The following EFHB variants were observed in gnomAD, a reference collection of about 807,000 sequenced individuals.
EFHB encodes the protein EF-hand domain-containing family member B.
EFHB carries 91 observed loss-of-function variants against 87.2 expected under a neutral mutation model. That is an observed-to-expected ratio of 1.04 (90% CI 0.88 to 1.24). The LOEUF is 1.24. Ranked by LOEUF, EFHB falls within the 50% of genes most tolerant of loss-of-function variation. The pLI is 0.00. For synonymous variants in EFHB, 325 were observed against 333.6 expected (o/e 0.97, Z 0.28); for missense variants, 1,084 against 998.8 (o/e 1.09, Z -1.15).
At chr3:19,920,120 C>A in intron 2 of EFHB, 144 bp from the exon 3 acceptor site, 1 of 834,302 alleles carries the variant, frequency 1.2e-6, no homozygotes, top group Non-Finnish European at 1.8e-6. Flanking sequence ...AATGAACATC[C>A]CCCTAAAATG....
intron 5 of EFHB, among the ~76,000 whole-genome samples, chr3:19,912,774 A>C (rs913116886): frequency 6.6e-6 from 1 of 152,176 alleles, no homozygotes; most frequent in Non-Finnish European, 1.5e-5. Context: ...TTGTTTGTTT[A>C]TGCAAATAGT....
At chr3:19,886,016 G>A (rs1287160526) in intron 10 of EFHB, among the ~76,000 whole-genome samples, 1 of 152,112 alleles carries the variant, frequency 6.6e-6, no homozygotes, top group Non-Finnish European at 1.5e-5. Context: ...TAAAATCATA[G>A]AAGATGAAAA....
intron 1 of EFHB, among the ~76,000 whole-genome samples, chr3:19,945,624 C>A (rs1696257129): frequency 6.6e-6 from 1 of 152,128 alleles, no homozygotes; most frequent in African/African-American, 2.4e-5. Flanking sequence ...GTTGACATGA[C>A]AAAACTGATG....
intron 5 of EFHB, among the ~76,000 whole-genome samples, chr3:19,908,508 G>A (rs752472429): frequency 6.7e-6 from 1 of 150,192 alleles, no homozygotes; most frequent in South Asian, 2.1e-4. Context: ...ACTCCAGCCT[G>A]GACGAAAGAG....
intron 1 of EFHB, among the ~76,000 whole-genome samples, chr3:19,922,298 G>A (rs1695463427): frequency 6.6e-6 from 1 of 152,230 alleles, no homozygotes; most frequent in African/African-American, 2.4e-5. Flanking sequence ...ACACTTGGAA[G>A]AAGGTGTGGT....
Position 19,882,707 on chromosome 3 carries a change from G to T in EFHB, c.2171C>A (p.Thr724Asn), listed in dbSNP as rs758858768. The T allele has an allele frequency of 4.3e-6, 7 of 1,613,346 alleles. No homozygotes were observed. In the African/African-American group the frequency reaches 9.3e-5, roughly 22 times the overall value. Reference protein sequence around the residue: ...STCYPICGVPTIRSDIPAPRI... With the variant: ...STCYPICGVPNIRSDIPAPRI... ...GGGAGCAGGAATGTCAGATCGAATG[G>T]TTGGAACACCACAAATGGGGTAACC... The change falls in exon 12 of 13, where the codon ACC becomes AAC. Residue 724 changes from threonine (T) to asparagine (N), a missense_variant. Thr to Asn is a moderately conservative substitution (Grantham distance 65, BLOSUM62 0). Transcript: ENST00000295824.
chr3:19,882,254 T>C lies in EFHB; in HGVS notation c.2328+296A>G, dbSNP rs913423378. On this transcript the variant is annotated intron_variant, in intron 12 of 12. Transcript: ENST00000295824. Reference sequence around the variant, plus strand: ...CAGGATGCTTACATAAGGAAGGGGTTGATCCTGTTCCTTTTCTCAACTAGA... The same window carrying C: ...CAGGATGCTTACATAAGGAAGGGGTCGATCCTGTTCCTTTTCTCAACTAGA... 2.6e-5 allele frequency among the ~76,000 whole-genome samples: 4 copies of C among 152,134 alleles called. No individual in the cohort carries two copies. The South Asian group carries it at 8.3e-4, about 31-fold the overall frequency.
chr3:19,910,655 T>C (rs1392152617), intron 5 of EFHB, among the ~76,000 whole-genome samples: 1 of 152,148 alleles, frequency 6.6e-6, no homozygotes, highest in Non-Finnish European at 1.5e-5. Context: ...TGAGACCAAA[T>C]GCTACACTAG....
In EFHB at chr3:19,930,859, G is replaced by A. The variant is rs1301999011; in HGVS notation, c.789+2371C>T. ...CGAGAAATCCTGCTGCCTGCTGGGC[G>A]TGGTGGCTCATGCCTGTAATCCCAG... On this transcript the variant is annotated intron_variant, in intron 1 of 12. Coordinates refer to ENST00000295824, the MANE Select transcript of EFHB (RefSeq NM_144715.4). Among the ~76,000 whole-genome samples the A allele has an allele frequency of 3.9e-5, 6 of 152,300 alleles. No homozygotes were observed. The South Asian group carries it at 8.3e-4, about 21-fold the overall frequency.
chr3:19,884,210 G>A (rs2071754006), intron 11 of EFHB, among the ~76,000 whole-genome samples, 193 bp downstream of exon 11: 1 of 151,938 alleles, frequency 6.6e-6, no homozygotes. Context: ...TTTTACTTTG[G>A]TCATCATTGG....
chr3:19,918,904 C>T lies in EFHB; in HGVS notation c.997-492G>A, dbSNP rs185786162. Among the ~76,000 whole-genome samples, 5 of 148,214 alleles carry T rather than the reference C, an allele frequency of 3.4e-5. No homozygotes were observed. The East Asian group carries it at 6.0e-4, about 18-fold the overall frequency. ...CTGAGGCAGGAGAATGGCTTGAGCC[C>T]GGTAAGTGGAGGTTATAGTGAGCCA... On this transcript the variant is annotated intron_variant, in intron 3 of 12. Coordinates refer to ENST00000295824, the MANE Select transcript of EFHB (RefSeq NM_144715.4).
intron 9 of EFHB, among the ~76,000 whole-genome samples, chr3:19,895,800 C>T (rs1694461555): frequency 6.6e-6 from 1 of 152,114 alleles, no homozygotes; most frequent in African/African-American, 2.4e-5. Flanking sequence ...GAAGATGCAT[C>T]TGACAAAAAT....
chr3:19,926,658 C>A (rs71316237), intron 1 of EFHB, among the ~76,000 whole-genome samples: 7,521 of 51,418 alleles, frequency 0.15, 231 homozygotes, highest in Non-Finnish European at 0.17. Flanking sequence ...CCACGCCCAG[C>A]CTGCTTTTTT....
Position 19,944,896 on chromosome 3 carries a change from G to T in EFHB, c.-32+2023C>A, listed in dbSNP as rs879471136. On this transcript the variant is annotated intron_variant, in intron 1 of 14. Transcript: ENST00000344838. ...GAACTGAAATGATGAATAACTGATG[G>T]TCACAGCCCTTAAAAACCTTATAAT... 6.6e-5 allele frequency among the ~76,000 whole-genome samples: 10 copies of T among 152,254 alleles called. No homozygotes were observed. In the East Asian group the frequency reaches 1.9e-3, roughly 29 times the overall value.
At chr3:19,899,778 A>G (rs1336481831) in intron 6 of EFHB, among the ~76,000 whole-genome samples, 1 of 152,246 alleles carries the variant, frequency 6.6e-6, no homozygotes, top group African/African-American at 2.4e-5. Context: ...TCACTATTGT[A>G]AGTGTAGCTC....
chr3:19,890,111 C>T (rs879430529), intron 9 of EFHB, among the ~76,000 whole-genome samples: 1 of 152,148 alleles, frequency 6.6e-6, no homozygotes. Flanking sequence ...ATGCTGTCAA[C>T]GATAAATTAC....
At chr3:19,926,747 G>A (rs1301309725) in intron 1 of EFHB, among the ~76,000 whole-genome samples, 3 of 150,786 alleles carry the variant, frequency 2.0e-5, no homozygotes, top group Non-Finnish European at 4.4e-5. Flanking sequence ...AGCAACCTCC[G>A]CCTCCCGGGC....
intron 5 of EFHB, among the ~76,000 whole-genome samples, chr3:19,906,318 G>A (rs1218350221): frequency 6.6e-6 from 1 of 152,102 alleles, no homozygotes; most frequent in Non-Finnish European, 1.5e-5. Flanking sequence ...AACAGAGTGA[G>A]GCTCTTTCTC....
intron 1 of EFHB, chr3:19,941,103 C>A: frequency 2.7e-6 from 1 of 376,466 alleles, no homozygotes; most frequent in South Asian, 3.9e-5. Context: ...TGCTCTTATT[C>A]AGTTCTTTTC....
Sources: gnomAD v4.1 joint callset for allele counts (sites outside exome capture counted in the v4.1 genomes callset) on GRCh38, gnomAD v4.1.1 for gene constraint, MANE v1.5 for transcripts, NCBI Gene and HGNC (gene_info 2026-07-23, HGNC 2026-07-21) for gene names.